The following ACSM3 variants were observed in gnomAD, a reference collection of about 807,000 sequenced individuals.
ACSM3 encodes the protein acyl-coenzyme A synthetase ACSM3, mitochondrial.
In ACSM3, 61 loss-of-function variants were observed where a neutral mutation model predicts 74.1. The observed-to-expected ratio is 0.82, with a 90% CI of 0.67 to 1.02. The LOEUF is 1.02. Ranked by LOEUF, ACSM3 falls within the 50% of genes least tolerant of loss-of-function variation. ACSM3 has a pLI of 0.00. For missense variants in ACSM3, 660 were observed against 697.0 expected, an observed-to-expected ratio of 0.95 and a Z score of 0.60; for synonymous variants, 213 against 241.5, an observed-to-expected ratio of 0.88 and a Z score of 1.09.
intron 1 of ACSM3, chr16:20,681,700 TA>T (rs1343237931): frequency 6.5e-6 from 1 of 153,972 alleles, no homozygotes; most frequent in East Asian, 1.9e-4. Context: ...ACCTTTGTTA[TA>T]AAAAGCAACA....
intron 7 of ACSM3, among the ~76,000 whole-genome samples, chr16:20,783,077 C>T (rs1177964487): frequency 6.6e-6 from 1 of 152,178 alleles, no homozygotes; most frequent in African/African-American, 2.4e-5. Flanking sequence ...GCTGAAAGTG[C>T]CAAGCTTCTG....
rs754991881 is a variant in ACSM3, at chr16:20,685,157, C to A, written c.-190+10335C>A. 1.9e-6 allele frequency: 3 copies of A among 1,611,068 alleles called. No individual in the cohort carries two copies. The African/African-American group carries it at 4.0e-5, about 22-fold the overall frequency. On this transcript the variant is annotated intron_variant, in intron 1 of 3. Transcript: ENST00000561584. ...TCAGGACCCATTGGTTCTAGAACAG[C>A]CCCGAGGTCCACCAGGTCCCTCTTG...
At chr16:20,759,246 T>A (rs2080056333), upstream of ACSM3, among the ~76,000 whole-genome samples, 1 of 152,142 alleles carries the variant, frequency 6.6e-6, no homozygotes, top group East Asian at 1.9e-4. Context: ...GTCAGGCCTG[T>A]GTAATGAAGC....
At chr16:20,711,653 G>C (rs982961947) in intron 1 of ACSM3, 1 of 756,484 alleles carries the variant, frequency 1.3e-6, no homozygotes, top group African/African-American at 1.8e-5. Flanking sequence ...AGCCGGAACA[G>C]GTGGCTCAGT....
intron 1 of ACSM3, among the ~76,000 whole-genome samples, chr16:20,714,131 G>A (rs163247): frequency 0.95 from 144,469 of 151,992 alleles, 68,887 homozygotes; most frequent in Non-Finnish European, 0.99. Flanking sequence ...GACCCTGTCC[G>A]GGACTCTGGA....
chr16:20,739,433 A>G (rs1478046632), intron 1 of ACSM3, among the ~76,000 whole-genome samples: 1 of 152,076 alleles, frequency 6.6e-6, no homozygotes. Context: ...AGCCTCCCAA[A>G]GTGCTGGGAT....
chr16:20,709,374 G>A (rs985830959), intron 1 of ACSM3, among the ~76,000 whole-genome samples: 3 of 152,194 alleles, frequency 2.0e-5, no homozygotes, highest in Admixed American at 6.6e-5. Flanking sequence ...TGTAAAACAA[G>A]CAGGTTAGAT....
chr16:20,765,074 G>A (rs1183662853), intron 1 of ACSM3, among the ~76,000 whole-genome samples: 2 of 152,180 alleles, frequency 1.3e-5, no homozygotes, highest in Non-Finnish European at 2.9e-5. Flanking sequence ...GGAGGCTAAA[G>A]CCCCCTTGGC....
At chr16:20,749,700 T>C (rs2079974825) in intron 1 of ACSM3, 2 of 152,390 alleles carry the variant, frequency 1.3e-5, no homozygotes, top group Admixed American at 1.3e-4. Context: ...CAAGTATATG[T>C]GCATATCTGG....
chr16:20,788,670 C>T (rs926471327), intron 9 of ACSM3, among the ~76,000 whole-genome samples: 4 of 152,116 alleles, frequency 2.6e-5, no homozygotes, highest in African/African-American at 9.7e-5. Flanking sequence ...TTTAAATACT[C>T]ATAATTTTCA....
intron 1 of ACSM3, among the ~76,000 whole-genome samples, chr16:20,740,168 G>A (rs1248462904): frequency 6.6e-6 from 1 of 152,182 alleles, no homozygotes; most frequent in Non-Finnish European, 1.5e-5. Context: ...AGAGGTGGGC[G>A]GATCCCTTGA....
intron 1 of ACSM3, chr16:20,741,481 G>GGCCCCCCCCCCCCCCCCC: frequency 7.6e-7 from 1 of 1,308,414 alleles, no homozygotes; most frequent in Non-Finnish European, 9.9e-7. Flanking sequence ...CTGGCAGCCG[G>GGCCCCCCCCCCCCCCCCC]CCCGCCCGCC....
chr16:20,741,478 C>CTGGGG, intron 1 of ACSM3: 1 of 1,336,932 alleles, frequency 7.5e-7, no homozygotes, highest in Non-Finnish European at 9.7e-7. Flanking sequence ...GGCCTGGCAG[C>CTGGGG]CGGCCCGCCC....
chr16:20,699,011 G>A (rs960776045), intron 1 of ACSM3: 32 of 152,178 alleles, frequency 2.1e-4, no homozygotes, highest in African/African-American at 6.3e-4. Flanking sequence ...GTAAAATGCA[G>A]GGTCTTTGGA....
chr16:20,748,585 T>A (rs2079968367), intron 1 of ACSM3, among the ~76,000 whole-genome samples: 1 of 152,180 alleles, frequency 6.6e-6, no homozygotes, highest in Admixed American at 6.5e-5. Context: ...ACTGCTGCTG[T>A]TTTGTTGTAG....
chr16:20,741,481 G>GGGGGGGGGGCCCC, intron 1 of ACSM3: 5 of 1,308,402 alleles, frequency 3.8e-6, no homozygotes, highest in Non-Finnish European at 4.9e-6. Context: ...CTGGCAGCCG[G>GGGGGGGGGGCCCC]CCCGCCCGCC....
At chr16:20,716,317 A>G (rs1271741596) in intron 1 of ACSM3, among the ~76,000 whole-genome samples, 5 of 152,154 alleles carry the variant, frequency 3.3e-5, no homozygotes, top group Non-Finnish European at 7.4e-5. Flanking sequence ...CATAAAATAA[A>G]AGAGTCTTGG....
chr16:20,712,736 T>A (rs1306104020), intron 1 of ACSM3, among the ~76,000 whole-genome samples: 2 of 145,766 alleles, frequency 1.4e-5, no homozygotes, highest in African/African-American at 4.9e-5. Context: ...TGAAAACCTG[T>A]CTCTAAAAAA....
intron 1 of ACSM3, chr16:20,766,524 C>T (rs1446063522): frequency 6.6e-6 from 1 of 152,120 alleles, no homozygotes; most frequent in African/African-American, 2.4e-5. Flanking sequence ...GAGTTTGAGA[C>T]CAGCCTGGGC....
Sources: gnomAD v4.1 joint callset for allele counts (sites outside exome capture counted in the v4.1 genomes callset) on GRCh38, gnomAD v4.1.1 for gene constraint, MANE v1.5 for transcripts, NCBI Gene and HGNC (gene_info 2026-07-23, HGNC 2026-07-21) for gene names.